Variants in BMP8B observed in about 807,000 individuals in gnomAD.
BMP8B encodes bone morphogenetic protein 8 (osteogenic protein 2).
BMP8B carries 17 observed loss-of-function variants against 30.3 expected under a neutral mutation model. That is an observed-to-expected ratio of 0.56 (90% confidence interval 0.38 to 0.84). BMP8B has a LOEUF of 0.84. Ranked by LOEUF, BMP8B falls within the 40% of genes least tolerant of loss-of-function variation. The probability of loss-of-function intolerance (pLI) is 0.00; values close to 1 mark genes in which losing one functional copy is unlikely to be tolerated. For synonymous variants in BMP8B, 131 were observed against 214.7 expected (o/e 0.61, Z 3.41); for missense variants, 253 against 494.6 (o/e 0.51, Z 4.63).
At chr1:39,787,912 G>A (rs1651100378) in intron 1 of BMP8B, among the ~76,000 whole-genome samples, 2 of 152,180 alleles carry the variant, frequency 1.3e-5, no homozygotes, top group African/African-American at 4.8e-5. Flanking sequence ...GTTTGGGGCA[G>A]GGTGAAGGCA....
intron 5 of BMP8B, 24 bp downstream of exon 5, chr1:39,763,688 G>C: frequency 6.3e-7 from 1 of 1,582,334 alleles, no homozygotes; most frequent in East Asian, 2.3e-5. Context: ...TGTCATTTCA[G>C]AAACAAGAAG....
At chr1:39,786,622 T>A (rs1470882688) in intron 1 of BMP8B, among the ~76,000 whole-genome samples, 2 of 152,070 alleles carry the variant, frequency 1.3e-5, no homozygotes, top group Non-Finnish European at 2.9e-5. Flanking sequence ...CCTGGGGACA[T>A]TCTTGGACGA....
At chr1:39,787,184 C>T (rs1182430112) in intron 1 of BMP8B, among the ~76,000 whole-genome samples, 2 of 151,744 alleles carry the variant, frequency 1.3e-5, no homozygotes, top group Non-Finnish European at 2.9e-5. Flanking sequence ...TCAGGGTTGT[C>T]GGGAGGATGA....
intron 3 of BMP8B, chr1:39,770,431 G>GT: frequency 1.2e-6 from 2 of 1,608,870 alleles, no homozygotes; most frequent in Non-Finnish European, 1.7e-6. Context: ...TTCGTTTCTC[G>GT]TATTTCTGCC....
intron 6 of BMP8B, among the ~76,000 whole-genome samples, chr1:39,761,872 C>G (rs1649033916): frequency 6.6e-6 from 1 of 152,252 alleles, no homozygotes; most frequent in Non-Finnish European, 1.5e-5. Context: ...GACAGCCTCC[C>G]CTAGAGCGCA....
intron 6 of BMP8B, chr1:39,762,328 C>T (rs915660484): frequency 3.8e-5 from 25 of 659,040 alleles, no homozygotes; most frequent in South Asian, 1.7e-4. Context: ...GGTGAGCCAC[C>T]GCACCTGATC....
Position 39,757,204 on chromosome 1 carries a change from T to C in BMP8B, c.*3215A>G, listed in dbSNP as rs1648371150. 1 of 152,256 alleles carries C rather than the reference T, an allele frequency of 6.6e-6. No homozygotes were observed. The highest frequency in any genetic ancestry group is 2.4e-5 in the African/African-American group (1 of 41,470). The allele number at this position is 152,256 out of a possible 1,614,324, so 9.4% of individuals were successfully genotyped here. A position where few individuals can be genotyped will look rare whatever the true frequency, so the allele number is the denominator to read the frequency against. ...ACCTGCAGAACACATTTTGGTTTAA[T>C]GGACAGACATAGAAGTGGCTCAAAA... On this transcript the variant is annotated 3_prime_UTR_variant, in exon 7 of 7. Transcript: ENST00000372827.
Position 39,788,183 on chromosome 1 carries a change from G to A in BMP8B, c.303C>T (p.Arg101=). The A allele has an allele frequency of 6.3e-7, 1 of 1,575,630 alleles. No individual in the cohort carries two copies. The highest frequency in any genetic ancestry group is 2.4e-5 in the East Asian group (1 of 41,710). ...TAACGAAGCTCATGACCAGGTCGGCGCGGCCCAGGCGCCGCTCCGCGGGCG... is the reference window on the plus strand; with the variant it reads ...TAACGAAGCTCATGACCAGGTCGGCACGGCCCAGGCGCCGCTCCGCGGGCG... The part of the protein sequence containing the change: ...DGAPAERRLG[R]ADLVMSFVNM... Residue 101 remains arginine, a synonymous_variant, in exon 1 of 7, where the codon CGC becomes CGT. Coordinates refer to ENST00000372827, the MANE Select transcript of BMP8B (RefSeq NM_001720.5). The surrounding 1 kb of genome is among the most constrained non-coding windows in gnomAD (Gnocchi z 5.8).
intron 3 of BMP8B, chr1:39,770,428 C>T (rs374774506): frequency 6.2e-7 from 1 of 1,608,938 alleles, no homozygotes; most frequent in South Asian, 1.1e-5. Context: ...CAATTCGTTT[C>T]TCGTATTTCT....
intron 1 of BMP8B, among the ~76,000 whole-genome samples, chr1:39,777,388 T>A (rs544498150): frequency 2.1e-3 from 327 of 152,324 alleles, no homozygotes; most frequent in African/African-American, 7.5e-3. Flanking sequence ...TAAACAATCA[T>A]GAATCACCAA....
intron 1 of BMP8B, among the ~76,000 whole-genome samples, chr1:39,787,350 A>AG (rs1163269054): frequency 6.6e-6 from 1 of 152,242 alleles, no homozygotes; most frequent in Admixed American, 6.5e-5. Flanking sequence ...GAGGCAAAGC[A>AG]GATGGGTGAC....
At chr1:39,779,568 C>A (rs550541439) in intron 1 of BMP8B, among the ~76,000 whole-genome samples, 1 of 152,192 alleles carries the variant, frequency 6.6e-6, no homozygotes, top group Non-Finnish European at 1.5e-5. Flanking sequence ...CAGTGACGGT[C>A]GCAGTCACAT....
intron 1 of BMP8B, among the ~76,000 whole-genome samples, chr1:39,777,026 G>T (rs548183268): frequency 6.6e-6 from 1 of 152,306 alleles, no homozygotes; most frequent in Admixed American, 6.5e-5. Context: ...AGGGTGCTCC[G>T]TATGGCCTTT....
At chr1:39,762,585 CTG>C (rs1325946252) in intron 6 of BMP8B, 2 of 1,550,276 alleles carry the variant, frequency 1.3e-6, no homozygotes, top group Non-Finnish European at 1.7e-6. Flanking sequence ...AAGAGAGAAA[CTG>C]GGGGAAAAGC....
intron 1 of BMP8B, among the ~76,000 whole-genome samples, chr1:39,777,873 TC>T: frequency 6.6e-6 from 1 of 152,114 alleles, no homozygotes; most frequent in East Asian, 1.9e-4. Context: ...GCAGAGTCCC[TC>T]CTGGAAGCTG....
chr1:39,786,631 G>C (rs1474577109), intron 1 of BMP8B, among the ~76,000 whole-genome samples: 2 of 152,108 alleles, frequency 1.3e-5, no homozygotes. Context: ...ATTCTTGGAC[G>C]ACTCCATCCA....
At chr1:39,771,375 C>G (rs1163528322) in intron 3 of BMP8B, 2 of 812,106 alleles carry the variant, frequency 2.5e-6, no homozygotes, top group Non-Finnish European at 3.5e-6. Flanking sequence ...CAGGTCTCCC[C>G]GGCCAGGCGC....
intron 3 of BMP8B, among the ~76,000 whole-genome samples, chr1:39,765,225 G>A (rs1483797555): frequency 2.0e-5 from 3 of 149,306 alleles, no homozygotes; most frequent in East Asian, 3.9e-4. Context: ...GAGAACCAGC[G>A]CTCCCACCTT....
intron 6 of BMP8B, chr1:39,762,432 C>A: frequency 6.9e-7 from 1 of 1,451,294 alleles, no homozygotes; most frequent in Non-Finnish European, 9.1e-7. Context: ...AAGGAAGCCT[C>A]GGTGCCAGAA....
Sources: allele counts gnomAD v4.1 joint callset (sites outside exome capture counted in the v4.1 genomes callset), GRCh38; gene constraint gnomAD v4.1.1; non-coding constraint Gnocchi (gnomAD v3.1); transcripts MANE v1.5; gene names NCBI Gene and HGNC (gene_info 2026-07-23, HGNC 2026-07-21).